PRKCA: variants seen among roughly 807,000 people sequenced by gnomAD.
The protein encoded by PRKCA is protein kinase C alpha.
A neutral mutation model predicts 87.0 loss-of-function variants in PRKCA; 27 were observed. That is an observed-to-expected ratio of 0.31 (90% CI 0.23 to 0.43). PRKCA has a LOEUF of 0.43. Ranked by LOEUF, PRKCA falls within the 20% of genes least tolerant of loss-of-function variation. The pLI is 1.00. For synonymous variants in PRKCA, 329 were observed against 311.1 expected (o/e 1.06, Z -0.61); for missense variants, 518 against 852.3 (o/e 0.61, Z 4.88).
At chr17:66,497,757 A>T (rs228875) in intron 3 of PRKCA, among the ~76,000 whole-genome samples, 102,559 of 152,040 alleles carry the variant, frequency 0.67, 34,887 homozygotes, top group Middle Eastern at 0.76. Context: ...GAAAGTGGCT[A>T]TCTCAGTGCA....
intron 2 of PRKCA, among the ~76,000 whole-genome samples, chr17:66,428,973 G>T (rs1195278367): frequency 1.3e-5 from 2 of 152,208 alleles, no homozygotes; most frequent in Non-Finnish European, 2.9e-5. Context: ...AAAGTATTAG[G>T]TAAAGTTTGA....
At chr17:66,491,112 T>C (rs1916225885) in intron 2 of PRKCA, among the ~76,000 whole-genome samples, 1 of 152,246 alleles carries the variant, frequency 6.6e-6, no homozygotes, top group South Asian at 2.1e-4. Flanking sequence ...TCCCACCATG[T>C]CATTTGCTCA....
rs554481032 is a variant in PRKCA at position 66,727,144 on chromosome 17, G to A, written c.919-5544G>A. On this transcript the variant is annotated intron_variant, in intron 8 of 16. Coordinates refer to ENST00000413366, the MANE Select transcript of PRKCA (RefSeq NM_002737.3). The stretch of plus-strand genomic sequence containing the variant: ...GCTGGTGGGACCTCGACCTCAGCTG[G>A]TGTCCAGGCTCTTGATACTGCCACG... 3.2e-4 allele frequency among the ~76,000 whole-genome samples: 48 copies of A among 152,322 alleles called. 1 individual carries two copies. In the Middle Eastern group the frequency reaches 0.014, roughly 43 times the overall value.
intron 2 of PRKCA, among the ~76,000 whole-genome samples, chr17:66,377,721 A>ATTTTTTTTTTTT: frequency 1.4e-5 from 1 of 69,150 alleles, no homozygotes; most frequent in Non-Finnish European, 2.5e-5. Context: ...ATATATATAT[A>ATTTTTTTTTTTT]TTTTTTTTTT....
rs1330068618 is a variant in PRKCA, at chr17:66,689,779, A to G, written c.918+732A>G. ...ATGTTTTAAAGGCACAACTTCTAAT[A>G]TTTGTCTGTTTCTCTAATCACCCTT... On this transcript the variant is annotated intron_variant, in intron 8 of 16. Transcript: ENST00000413366. This position sits in a 1 kb window ranked among gnomAD's most constrained non-coding sequence, Gnocchi z 4.1. Among the ~76,000 whole-genome samples the G allele has an allele frequency of 6.6e-6, 1 of 152,094 alleles. No individual in the cohort carries two copies. The highest frequency in any genetic ancestry group is 1.5e-5 in the Non-Finnish European group (1 of 68,016).
intron 2 of PRKCA, among the ~76,000 whole-genome samples, chr17:66,355,811 A>T (rs1908011471): frequency 6.6e-6 from 1 of 152,212 alleles, no homozygotes; most frequent in South Asian, 2.1e-4. Flanking sequence ...CTTTCAAATC[A>T]TTGCTTAGGA....
intron 13 of PRKCA, among the ~76,000 whole-genome samples, chr17:66,766,032 A>G (rs976457280): frequency 2.6e-5 from 4 of 152,124 alleles, no homozygotes; most frequent in Admixed American, 6.5e-5. Flanking sequence ...ACCCCATCCT[A>G]TTGTTACAAT....
chr17:66,537,441 T>C (rs1443245297), intron 3 of PRKCA, among the ~76,000 whole-genome samples: 1 of 152,214 alleles, frequency 6.6e-6, no homozygotes, highest in African/African-American at 2.4e-5. Context: ...AAGTGTTCTT[T>C]GTGATTTGAT....
intron 16 of PRKCA, among the ~76,000 whole-genome samples, chr17:66,795,309 G>T (rs550734172): frequency 6.6e-6 from 1 of 152,296 alleles, no homozygotes; most frequent in East Asian, 1.9e-4. Context: ...AGGGTGGCAG[G>T]CAGCTTCATT....
At chr17:66,664,800 C>T (rs569480260) in intron 5 of PRKCA, among the ~76,000 whole-genome samples, 1 of 151,666 alleles carries the variant, frequency 6.6e-6, no homozygotes, top group African/African-American at 2.4e-5. Context: ...ACTACCACAC[C>T]CAGATAATTT....
chr17:66,423,719 A>G (rs1912622577), intron 2 of PRKCA, among the ~76,000 whole-genome samples: 2 of 152,304 alleles, frequency 1.3e-5, no homozygotes, highest in African/African-American at 4.8e-5. Context: ...ACACAATCAT[A>G]CCATGCAGTA....
At chr17:66,313,023 G>A (rs1453849592) in intron 2 of PRKCA, among the ~76,000 whole-genome samples, 2 of 152,114 alleles carry the variant, frequency 1.3e-5, no homozygotes, top group Non-Finnish European at 2.9e-5. Flanking sequence ...ACAGGCGTGA[G>A]CTCCCGCGCC....
chr17:66,736,497 T>G (rs571193284), intron 10 of PRKCA, among the ~76,000 whole-genome samples: 41 of 152,158 alleles, frequency 2.7e-4, no homozygotes, highest in African/African-American at 9.9e-4. Flanking sequence ...AGGCCGGTCT[T>G]GAACTTCTGA....
intron 3 of PRKCA, among the ~76,000 whole-genome samples, chr17:66,508,187 G>A (rs934887831): frequency 1.3e-5 from 2 of 152,194 alleles, no homozygotes; most frequent in Non-Finnish European, 2.9e-5. Flanking sequence ...ACCCTCAAAC[G>A]TAGAGGCTTG....
intron 2 of PRKCA, among the ~76,000 whole-genome samples, chr17:66,431,899 G>A (rs1290110524): frequency 6.6e-6 from 1 of 152,134 alleles, no homozygotes; most frequent in Admixed American, 6.5e-5. Flanking sequence ...CTGAGGACCC[G>A]TCCCATGGAA....
intron 2 of PRKCA, among the ~76,000 whole-genome samples, chr17:66,315,473 G>T (rs1905265987): frequency 9.0e-6 from 1 of 111,690 alleles, no homozygotes; most frequent in African/African-American, 3.3e-5. Context: ...AGAATGAAGT[G>T]TTTTTTCTTT....
At chr17:66,340,513 C>G (rs1906984849) in intron 2 of PRKCA, among the ~76,000 whole-genome samples, 1 of 151,730 alleles carries the variant, frequency 6.6e-6, no homozygotes, top group Non-Finnish European at 1.5e-5. Context: ...ACTGTGCAAA[C>G]AGTGATTTCT....
At position 66,354,723 on chromosome 17, in the gene PRKCA, C is replaced by T. The variant is rs114104137; in HGVS notation, c.205+48596C>T. ...AGGCCATTAATCCTATTTCTCCAGC[C>T]GAGAAGCAGCAGGATAATAGTAATG... On this transcript the variant is annotated intron_variant, in intron 2 of 16. Coordinates refer to ENST00000413366, the MANE Select transcript of PRKCA (RefSeq NM_002737.3). Among the ~76,000 whole-genome samples the T allele has an allele frequency of 2.6e-3, 390 of 152,090 alleles. 1 individual carries two copies. The highest frequency in any genetic ancestry group is 9.1e-3 in the African/African-American group (377 of 41,484).
chr17:66,526,249 T>C (rs1967344389), intron 3 of PRKCA, among the ~76,000 whole-genome samples: 1 of 152,174 alleles, frequency 6.6e-6, no homozygotes, highest in African/African-American at 2.4e-5. Flanking sequence ...GATGATTGGG[T>C]GGCTTTGAAA....
Sources: allele counts gnomAD v4.1 joint callset (sites outside exome capture counted in the v4.1 genomes callset), GRCh38; gene constraint gnomAD v4.1.1; non-coding constraint Gnocchi (gnomAD v3.1); transcripts MANE v1.5; gene names NCBI Gene and HGNC (gene_info 2026-07-23, HGNC 2026-07-21).